TIAM2: variants seen among roughly 807,000 people sequenced by gnomAD.
TIAM2 encodes the protein TIAM Rac1 associated GEF 2.
A neutral mutation model predicts 152.9 loss-of-function variants in TIAM2; 80 were observed. The ratio of observed to expected loss-of-function variants is 0.52; its 90% CI spans 0.44 to 0.63. TIAM2 has a LOEUF of 0.63. TIAM2 is among the 30% of genes least tolerant of loss of function. The pLI, the probability that TIAM2 is intolerant of heterozygous loss-of-function variation, is 0.00. For missense variants in TIAM2, 1,965 were observed against 2,120.1 expected (o/e 0.93, Z 1.44); for synonymous variants, 804 against 838.0 (o/e 0.96, Z 0.70).
chr6:155,101,475 TG>T (rs1310502143), intron 2 of TIAM2, among the ~76,000 whole-genome samples: 1 of 152,218 alleles, frequency 6.6e-6, no homozygotes, highest in Non-Finnish European at 1.5e-5. Flanking sequence ...TAATCCTGGT[TG>T]GGTAAAAGTA....
chr6:155,004,018 T>C (rs1293148823), intron 1 of TIAM2, among the ~76,000 whole-genome samples: 3 of 152,204 alleles, frequency 2.0e-5, no homozygotes, highest in Non-Finnish European at 4.4e-5. Context: ...GTTTTGCACT[T>C]ATGTGACTTT....
chr6:155,172,661 TATATATATATATATATATATA>T (rs1780624989), intron 9 of TIAM2, among the ~76,000 whole-genome samples: 5 of 8,300 alleles, frequency 6.0e-4, no homozygotes, highest in African/African-American at 1.1e-3. Flanking sequence ...TATATATATA[TATATATATATATATATATATA>T]TATATTTTTT....
At position 155,244,724 on chromosome 6, in the gene TIAM2, G is replaced by A; in HGVS notation, c.3484G>A (p.Glu1162Lys). The stretch of plus-strand genomic sequence containing the variant: ...TCAGAAGGTGTTTCTGGAGACCCTG[G>A]AGGATGGGATTTCAGCATCATCTGA... ...EFQKVFLETL[E>K]DGISASSDFN... Residue 1162 changes from glutamate to lysine, a missense_variant, in exon 18 of 27, where the codon GAG becomes AAG. Transcript: ENST00000682666. 3 of 1,614,088 alleles carry A rather than the reference G, an allele frequency of 1.9e-6. No individual in the cohort carries two copies. The highest frequency in any genetic ancestry group is 2.5e-6 in the Non-Finnish European group (3 of 1,180,006).
At chr6:155,185,123 C>CTTTTTTTTTTTTTT (rs11404301) in intron 14 of TIAM2, among the ~76,000 whole-genome samples, 4 of 92,414 alleles carry the variant, frequency 4.3e-5, no homozygotes, top group African/African-American at 1.8e-4. Flanking sequence ...GCAAATTTAC[C>CTTTTTTTTTTTTTT]TTTTTTTTTT....
At chr6:155,097,191 T>C (rs551957431) in intron 2 of TIAM2, among the ~76,000 whole-genome samples, 1 of 152,336 alleles carries the variant, frequency 6.6e-6, no homozygotes, top group East Asian at 1.9e-4. Context: ...CCATTTTTAA[T>C]TGAATTATTT....
chr6:155,251,679 A>T (rs73008604), intron 22 of TIAM2, among the ~76,000 whole-genome samples: 2,035 of 152,346 alleles, frequency 0.013, 30 homozygotes, highest in Non-Finnish European at 0.02. Context: ...ACTGAGATGA[A>T]CACAGTGTCC....
intron 1 of TIAM2, among the ~76,000 whole-genome samples, chr6:155,042,448 TAGCC>T (rs1203905261): frequency 1.3e-5 from 2 of 152,014 alleles, no homozygotes; most frequent in Non-Finnish European, 2.9e-5. Context: ...ATACAAAAAT[TAGCC>T]AGGCATGGTG....
intron 14 of TIAM2, among the ~76,000 whole-genome samples, chr6:155,205,082 G>C (rs9397788): frequency 0.24 from 35,112 of 148,318 alleles, 4,372 homozygotes; most frequent in East Asian, 0.5. Context: ...ACACCTCCCA[G>C]TAAGTCTACC....
intron 15 of TIAM2, among the ~76,000 whole-genome samples, chr6:155,231,420 T>C (rs1249794839): frequency 6.6e-6 from 1 of 152,228 alleles, no homozygotes; most frequent in Non-Finnish European, 1.5e-5. Flanking sequence ...TTTCATACAA[T>C]TTCCCTGGAG....
intron 2 of TIAM2, among the ~76,000 whole-genome samples, chr6:155,119,066 G>A (rs1177535317): frequency 6.7e-6 from 1 of 148,978 alleles, no homozygotes; most frequent in Non-Finnish European, 1.5e-5. Flanking sequence ...ACGGAGTCTT[G>A]CTCTGTTGCT....
intron 1 of TIAM2, among the ~76,000 whole-genome samples, chr6:155,023,312 ACT>A (rs1776536189): frequency 6.6e-6 from 1 of 151,716 alleles, no homozygotes; most frequent in African/African-American, 2.4e-5. Flanking sequence ...GACGGACAAA[ACT>A]CTGCCACGAG....
At chr6:155,115,776 CA>C (rs145368257) in intron 2 of TIAM2, among the ~76,000 whole-genome samples, 4,192 of 152,292 alleles carry the variant, frequency 0.028, 186 homozygotes, top group African/African-American at 0.097. Context: ...GATGATTATG[CA>C]ACCTATGAGG....
intron 2 of TIAM2, among the ~76,000 whole-genome samples, chr6:155,102,879 G>T (rs1350298798): frequency 6.6e-6 from 1 of 150,836 alleles, no homozygotes; most frequent in Non-Finnish European, 1.5e-5. Context: ...CAAAAGAATT[G>T]TATAGTGAAC....
intron 15 of TIAM2, among the ~76,000 whole-genome samples, chr6:155,226,632 T>A (rs560026604): frequency 1.0e-3 from 130 of 128,254 alleles, no homozygotes; most frequent in Non-Finnish European, 1.7e-3. Context: ...GCCACTGCAC[T>A]CCAGCCTGAG....
intron 1 of TIAM2, among the ~76,000 whole-genome samples, chr6:155,004,518 G>C (rs917095870): frequency 2.0e-5 from 3 of 152,150 alleles, no homozygotes; most frequent in African/African-American, 7.2e-5. Context: ...AGCCTCCCGA[G>C]TAGCTGGGAC....
chr6:155,089,804 G>A (rs1399794494), intron 1 of TIAM2, among the ~76,000 whole-genome samples: 1 of 152,186 alleles, frequency 6.6e-6, no homozygotes, highest in Non-Finnish European at 1.5e-5. Context: ...ATTGAACTGT[G>A]TATTTCCACT....
At position 155,144,751 on chromosome 6, in the gene TIAM2, C is replaced by T; in HGVS notation, c.1776C>T (p.Asn592=). The change falls in exon 6 of 27, where the codon AAC becomes AAT. Residue 592 remains asparagine (N), a synonymous_variant. Transcript: ENST00000682666. ...AAGAAAATGTGTTCTGCCTCAGCAA[C>T]TCCTTTGGAGATGTCTACCTTTTCC... The part of the protein sequence containing the change: ...PKKENVFCLS[N]SFGDVYLFQA... 2 of 1,611,064 alleles carry T rather than the reference C, an allele frequency of 1.2e-6. No homozygotes were observed. Among genetic ancestry groups the T allele is most frequent in the Non-Finnish European group, 1.7e-6 (2 of 1,178,924 alleles).
chr6:155,135,820 G>A (rs1290651991), intron 4 of TIAM2, among the ~76,000 whole-genome samples: 3 of 152,044 alleles, frequency 2.0e-5, no homozygotes, highest in African/African-American at 7.3e-5. Flanking sequence ...AATAAAATAG[G>A]TACTCAAATG....
chr6:155,015,852 T>C (rs1460559953), intron 1 of TIAM2, among the ~76,000 whole-genome samples: 1 of 148,226 alleles, frequency 6.7e-6, no homozygotes, highest in African/African-American at 2.5e-5. Flanking sequence ...CAGGAGAATC[T>C]CTTGAACCCA....
Sources: allele counts gnomAD v4.1 joint callset (sites outside exome capture counted in the v4.1 genomes callset), GRCh38; gene constraint gnomAD v4.1.1; transcripts MANE v1.5; gene names NCBI Gene and HGNC (gene_info 2026-07-23, HGNC 2026-07-21).